Variants in ASPDH observed in about 807,000 individuals in gnomAD.
The protein encoded by ASPDH is aspartate dehydrogenase domain-containing protein.
Under a neutral mutation model 30.5 loss-of-function variants are expected in ASPDH, and 25 were observed. The ratio of observed to expected loss-of-function variants is 0.82; its 90% CI spans 0.60 to 1.14. The LOEUF is 1.14. Ranked by LOEUF, ASPDH falls within the 50% of genes most tolerant of loss-of-function variation. ASPDH has a pLI of 0.00. For synonymous variants in ASPDH, 168 were observed against 156.3 expected, an observed-to-expected ratio of 1.07 and a Z score of -0.56; for missense variants, 401 against 381.5, an observed-to-expected ratio of 1.05 and a Z score of -0.43.
rs1432609928 is a variant in ASPDH, at chr19:50,511,650, G to A, written c.*80C>T. On this transcript the variant is annotated 3_prime_UTR_variant, in exon 7 of 7. Coordinates refer to ENST00000389208, the MANE Select transcript of ASPDH (RefSeq NM_001114598.2). ...TACTGAGTCAGAAGGGAGACCCTGGGGAAGTGGGGCAGGGCAGGGGTGGGA... is the reference window on the plus strand; with the variant it reads ...TACTGAGTCAGAAGGGAGACCCTGGAGAAGTGGGGCAGGGCAGGGGTGGGA... 2.3e-6 allele frequency: 2 copies of A among 871,046 alleles called. No homozygotes were observed. The highest frequency in any genetic ancestry group is 7.7e-5 in the Admixed American group (2 of 25,824). 54.0% of individuals were successfully genotyped at this position (871,046 alleles called of 1,614,324 possible).
At chr19:50,514,348 G>C (rs961963251), upstream of ASPDH, 2 of 1,313,596 alleles carry the variant, frequency 1.5e-6, no homozygotes, top group East Asian at 4.6e-5. Context: ...CCTGGTTGTG[G>C]CTTCTCCTCA....
Position 50,513,678 on chromosome 19 carries a change from T to G in ASPDH, c.52+94A>C. The G allele has an allele frequency of 2.0e-6, 2 of 987,354 alleles. No homozygotes were observed. Among genetic ancestry groups the G allele is most frequent in the Non-Finnish European group, 3.1e-6 (2 of 648,054 alleles). The allele number at this position is 987,354 out of a possible 1,614,324, so 61.2% of individuals were successfully genotyped here. On this transcript the variant is annotated intron_variant, in intron 1 of 6. Transcript: ENST00000389208. The surrounding 1 kb of genome is among the most constrained non-coding windows in gnomAD (Gnocchi z 4.9). ...ACCCAGAGACACAGCCAGGGGCAGA[T>G]AGAGAGAGAAAAAAGTGTTTGTGGA...
chr19:50,513,153 C>A lies in ASPDH; in HGVS notation c.197+119G>T. The A allele has an allele frequency of 7.9e-7, 1 of 1,270,936 alleles. No homozygotes were observed. Among genetic ancestry groups the A allele is most frequent in the South Asian group, 1.5e-5 (1 of 64,664 alleles). The allele number at this position is 1,270,936 out of a possible 1,614,324, so 78.7% of individuals were successfully genotyped here. ...TGAGATGAATGGGTTCGTCCTGTTT[C>A]ACATTTGCTTGAACCAAGGCCCAGA... On this transcript the variant is annotated intron_variant, in intron 2 of 6. Transcript: ENST00000389208. This position sits in a 1 kb window ranked among gnomAD's most constrained non-coding sequence, Gnocchi z 4.9.
rs1174357676 is a variant in ASPDH, at chr19:50,513,537, G to A, written c.53-121C>T. ...AGGTGGGGACAGACTCAGATTGCGG[G>A]GTAGGGAGACAGAGATGGGGGCAGG... is the stretch of plus-strand genomic sequence containing the variant. On this transcript the variant is annotated intron_variant, in intron 1 of 6. Transcript: ENST00000389208. This position sits in a 1 kb window ranked among gnomAD's most constrained non-coding sequence, Gnocchi z 4.9. 5.5e-6 allele frequency: 6 copies of A among 1,093,936 alleles called. No individual in the cohort carries two copies. Among genetic ancestry groups the A allele is most frequent in the Non-Finnish European group, 6.4e-6 (5 of 777,934 alleles). The allele number at this position is 1,093,936 out of a possible 1,614,324, so 67.8% of individuals were successfully genotyped here.
rs1568707729 is a variant in ASPDH at position 50,512,252 on chromosome 19, C to G, written c.692G>C (p.Gly231Ala). 6.2e-7 allele frequency: 1 copy of G among 1,613,024 alleles called. No homozygotes were observed. Among genetic ancestry groups the G allele is most frequent in the Non-Finnish European group, 8.5e-7 (1 of 1,179,820 alleles). The part of the protein sequence containing the change: ...DMHVVDVELS[G>A]PRGPTGRSFA... ...GCTTCGGCCCGTGGGGCCCCGGGGT[C>G]CGCTCAGCTCTACATCCACCACGTG... Residue 231 changes from glycine (G) to alanine (A), a missense_variant, in exon 6 of 7, where the codon GGA becomes GCA. By Grantham distance (60) the Gly-to-Ala change is moderately conservative. Coordinates refer to ENST00000389208, the MANE Select transcript of ASPDH (RefSeq NM_001114598.2).
Position 50,512,184 on chromosome 19 carries a change from C to T in ASPDH, c.760G>A (p.Ala254Thr), listed in dbSNP as rs1294439160. The T allele has an allele frequency of 2.5e-6, 4 of 1,602,196 alleles. No homozygotes were observed. Among genetic ancestry groups the T allele is most frequent in the Admixed American group, 1.7e-5 (1 of 58,870 alleles). ...TRRENPAEPGAVTGSATVTAF... is the reference protein window; with the variant it reads ...TRRENPAEPGTVTGSATVTAF... The stretch of plus-strand genomic sequence containing the variant: ...GTGACGGTGGCGGAGCCGGTGACCG[C>T]GCCTGGCTCGGCAGGGTTCTCTCTG... The change falls in exon 6 of 7, where the codon GCG becomes ACG. Residue 254 changes from alanine (A) to threonine (T), a missense_variant. Transcript: ENST00000389208.
intron 6 of ASPDH, 162 bp downstream of exon 6, chr19:50,511,974 C>A: frequency 1.3e-6 from 1 of 760,894 alleles, no homozygotes. Context: ...ATCTACAGTG[C>A]CAGGATTCAA....
chr19:50,513,962 C>A, upstream of ASPDH: 4 of 1,049,518 alleles, frequency 3.8e-6, no homozygotes, highest in Non-Finnish European at 5.4e-6. This position sits in a 1 kb window ranked among gnomAD's most constrained non-coding sequence, Gnocchi z 4.9. Flanking sequence ...GCAGGCCCAG[C>A]GTGGGGGCGT....
chr19:50,514,621 C>T (rs1476148250), upstream of ASPDH: 2 of 1,603,658 alleles, frequency 1.2e-6, no homozygotes, highest in South Asian at 1.1e-5. Flanking sequence ...GGCCAAGTGC[C>T]CCCAACATGA....
Position 50,512,122 on chromosome 19 carries a change from G to T in ASPDH, c.808+14C>A. The T allele has an allele frequency of 6.5e-7, 1 of 1,528,030 alleles. No homozygotes were observed. Among genetic ancestry groups the T allele is most frequent in the South Asian group, 1.2e-5 (1 of 83,242 alleles). 94.7% of individuals were successfully genotyped at this position (1,528,030 alleles called of 1,614,324 possible). On this transcript the variant is annotated intron_variant, in intron 6 of 6. Coordinates refer to ENST00000389208, the MANE Select transcript of ASPDH (RefSeq NM_001114598.2). ...ACAGGAGCCCAGGGCCGGGGGAGAGGGGCCTGGCCGCACCCAGGAGGCTCT... is the reference window on the plus strand; with the variant it reads ...ACAGGAGCCCAGGGCCGGGGGAGAGTGGCCTGGCCGCACCCAGGAGGCTCT...
upstream of ASPDH, chr19:50,514,705 C>T: frequency 6.8e-7 from 1 of 1,476,430 alleles, no homozygotes; most frequent in Non-Finnish European, 9.0e-7. Flanking sequence ...GCTCCCTGCC[C>T]CCAGCCACCA....
In ASPDH at chr19:50,512,820, A is replaced by T. The variant is rs914192426; in HGVS notation, c.283-10T>A. On this transcript the variant is annotated splice_polypyrimidine_tract_variant and intron_variant, in intron 3 of 6. Coordinates refer to ENST00000389208, the MANE Select transcript of ASPDH (RefSeq NM_001114598.2). ...CTGAGGGGGACCCCACCTGGGGTGG[A>T]TGAAGGAGGGGAGGGTTGAGGTCAG... 3 of 1,600,874 alleles carry T rather than the reference A, an allele frequency of 1.9e-6. No homozygotes were observed. The highest frequency in any genetic ancestry group is 2.6e-6 in the Non-Finnish European group (3 of 1,173,372).
At position 50,512,825 on chromosome 19, in the gene ASPDH, G is replaced by C. The variant is rs774630011; in HGVS notation, c.283-15C>G. The C allele has an allele frequency of 1.2e-6, 2 of 1,601,990 alleles. No individual in the cohort carries two copies. Among genetic ancestry groups the C allele is most frequent in the Non-Finnish European group, 1.7e-6 (2 of 1,173,652 alleles). ...GGGGACCCCACCTGGGGTGGATGAA[G>C]GAGGGGAGGGTTGAGGTCAGGGAAG... On this transcript the variant is annotated splice_polypyrimidine_tract_variant and intron_variant, in intron 3 of 6. Transcript: ENST00000389208.
At chr19:50,514,933 G>A, upstream of ASPDH, 1 of 985,432 alleles carries the variant, frequency 1.0e-6, no homozygotes, top group Non-Finnish European at 1.2e-6. Context: ...TGATAAGGGA[G>A]GAATTGGCTT....
rs1199564617 is a variant in ASPDH, at chr19:50,513,607, C to CA, written c.52+164dup. On this transcript the variant is annotated intron_variant, in intron 1 of 6. Coordinates refer to ENST00000389208, the MANE Select transcript of ASPDH (RefSeq NM_001114598.2). The surrounding 1 kb of genome is among the most constrained non-coding windows in gnomAD (Gnocchi z 4.9). Reference sequence around the variant, plus strand: ...GACAGAGGCCCAGAGAGAAGGGAGACAGAGACGGAGAGGACAGAGACCTGG... The same window carrying CA: ...GACAGAGGCCCAGAGAGAAGGGAGACAAGAGACGGAGAGGACAGAGACCTGG... Among the ~76,000 whole-genome samples, 3 of 151,680 alleles carry CA rather than the reference C, an allele frequency of 2.0e-5. No homozygotes were observed. In the East Asian group the frequency reaches 5.8e-4, roughly 29 times the overall value.
upstream of ASPDH, among the ~76,000 whole-genome samples, chr19:50,514,237 G>A (rs539668155): frequency 6.6e-6 from 1 of 152,286 alleles, no homozygotes; most frequent in South Asian, 2.1e-4. Flanking sequence ...GGCTCTGTCT[G>A]TCCCCTCGTG....
intron 6 of ASPDH, 177 bp from the exon 7 acceptor site, chr19:50,511,950 G>GCACAGAGACTCAGGGGACGCGTA: frequency 1.5e-6 from 1 of 665,098 alleles, no homozygotes; most frequent in Non-Finnish European, 2.5e-6. Flanking sequence ...TCAGAGGCGG[G>GCACAGAGACTCAGGGGACGCGTA]CACAAATGGA....
Position 50,513,807 on chromosome 19 carries a change from G to A in ASPDH, c.17C>T (p.Pro6Leu), listed in dbSNP as rs7248272. 9.0e-6 allele frequency: 14 copies of A among 1,550,740 alleles called. No homozygotes were observed. The East Asian group carries it at 1.2e-4, about 14-fold the overall frequency. Residue 6 changes from proline (P) to leucine (L), a missense_variant, in exon 1 of 7, where the codon CCG (proline) becomes CTG (leucine). Coordinates refer to ENST00000389208, the MANE Select transcript of ASPDH (RefSeq NM_001114598.2). The surrounding 1 kb of genome is among the most constrained non-coding windows in gnomAD (Gnocchi z 4.9). The part of the protein sequence containing the change: MADRG[P>L]WRVGVVGYGR... ...ATAGCCCACCACGCCCACCCTCCAC[G>A]GGCCCCTGTCGGCCATGGCCCTGAG...
chr19:50,514,627 C>T, upstream of ASPDH: 15 of 1,601,194 alleles, frequency 9.4e-6, no homozygotes, highest in Admixed American at 1.7e-5. Flanking sequence ...GTGCCCCCAA[C>T]ATGAGCCCCA....
Sources: allele counts gnomAD v4.1 joint callset (sites outside exome capture counted in the v4.1 genomes callset), GRCh38; gene constraint gnomAD v4.1.1; non-coding constraint Gnocchi (gnomAD v3.1); transcripts MANE v1.5; gene names NCBI Gene and HGNC (gene_info 2026-07-23, HGNC 2026-07-21).